The following NXPE2 variants were observed in gnomAD, a reference collection of about 807,000 sequenced individuals.
The protein encoded by NXPE2 is neurexophilin and PC-esterase domain family member 2, also known as NXPE family member 2.
In NXPE2, 34 loss-of-function variants were observed where a neutral mutation model predicts 34.4. The ratio of observed to expected loss-of-function variants is 0.99; its 90% CI spans 0.75 to 1.31. The LOEUF (loss-of-function observed/expected upper bound fraction) is 1.31, where lower values mean the gene tolerates loss of function less well. Among genes scored for constraint, NXPE2 ranks in the 40% most tolerant of loss-of-function variants. The probability of loss-of-function intolerance (pLI) is 0.00; values close to 1 mark genes in which losing one functional copy is unlikely to be tolerated. For missense variants in NXPE2, 649 were observed against 672.5 expected, an observed-to-expected ratio of 0.97 and a Z score of 0.39; for synonymous variants, 235 against 231.3, an observed-to-expected ratio of 1.02 and a Z score of -0.15.
At chr11:114,625,916 A>T in the NXPE2 span, among the ~76,000 whole-genome samples, 1 of 152,128 alleles carries the variant, frequency 6.6e-6, no homozygotes, top group Admixed American at 6.5e-5. Flanking sequence ...GGGGTGACAG[A>T]CGGCACCTGG....
chr11:114,631,407 G>C, the NXPE2 span, among the ~76,000 whole-genome samples: 1 of 151,142 alleles, frequency 6.6e-6, no homozygotes, highest in Non-Finnish European at 1.5e-5. Context: ...ATCATTCTCA[G>C]TAAACTATCG....
chr11:114,583,787 C>A, the NXPE2 span: 2 of 447,314 alleles, frequency 4.5e-6, no homozygotes, highest in East Asian at 5.4e-5. Flanking sequence ...TGATATTCAC[C>A]ATGATGATGG....
the NXPE2 span, among the ~76,000 whole-genome samples, chr11:114,535,870 C>T: frequency 6.6e-6 from 1 of 152,114 alleles, no homozygotes; most frequent in Non-Finnish European, 1.5e-5. Flanking sequence ...TTAGACAGAT[C>T]AACGAGACAG....
chr11:114,627,372 C>G, the NXPE2 span, among the ~76,000 whole-genome samples: 2,417 of 152,002 alleles, frequency 0.016, 27 homozygotes, highest in Non-Finnish European at 0.022. Flanking sequence ...ATTCAACATT[C>G]TTAAAGAGAA....
the NXPE2 span, among the ~76,000 whole-genome samples, chr11:114,738,265 A>G: frequency 6.6e-6 from 1 of 152,204 alleles, no homozygotes; most frequent in Non-Finnish European, 1.5e-5. Context: ...CTTATTACAA[A>G]TGAAAACTGA....
chr11:114,743,386 T>C, the NXPE2 span, among the ~76,000 whole-genome samples: 708 of 152,262 alleles, frequency 4.6e-3, 3 homozygotes, highest in African/African-American at 0.015. Flanking sequence ...ATTATGATAG[T>C]ACTTATTAAT....
the NXPE2 span, among the ~76,000 whole-genome samples, chr11:114,799,714 G>C: frequency 2.0e-5 from 3 of 152,316 alleles, no homozygotes; most frequent in South Asian, 6.2e-4. Context: ...GAAGTGTGAG[G>C]CAAGCCTCAG....
the NXPE2 span, among the ~76,000 whole-genome samples, chr11:114,792,392 C>A: frequency 1.3e-5 from 2 of 152,162 alleles, no homozygotes; most frequent in Non-Finnish European, 1.5e-5. Flanking sequence ...TGGACTCTGA[C>A]CCCCCATCTA....
chr11:114,798,660 G>C, the NXPE2 span, among the ~76,000 whole-genome samples: 1 of 152,226 alleles, frequency 6.6e-6, no homozygotes, highest in East Asian at 1.9e-4. Flanking sequence ...GGGATTACAG[G>C]CGTGAGCCAC....
At chr11:114,500,642 C>T in the NXPE2 span, among the ~76,000 whole-genome samples, 1 of 152,012 alleles carries the variant, frequency 6.6e-6, no homozygotes, top group Non-Finnish European at 1.5e-5. Context: ...ACTTTTTCTT[C>T]TATGGTTATT....
the NXPE2 span, among the ~76,000 whole-genome samples, chr11:114,746,458 C>A: frequency 6.6e-6 from 1 of 152,066 alleles, no homozygotes; most frequent in Non-Finnish European, 1.5e-5. Flanking sequence ...GTTACAAAAC[C>A]AGAGGTGCGT....
At chr11:114,657,362 CACT>C in the NXPE2 span, among the ~76,000 whole-genome samples, 1 of 152,088 alleles carries the variant, frequency 6.6e-6, no homozygotes, top group South Asian at 2.1e-4. Flanking sequence ...CTTTATTTTT[CACT>C]AACATCTAAC....
chr11:114,653,899 C>T, the NXPE2 span, among the ~76,000 whole-genome samples: 1 of 152,052 alleles, frequency 6.6e-6, no homozygotes, highest in Non-Finnish European at 1.5e-5. Context: ...GAGCAGCAAT[C>T]TACATTTGTA....
chr11:114,632,289 T>TATTATC, the NXPE2 span, among the ~76,000 whole-genome samples: 2 of 138,338 alleles, frequency 1.4e-5, no homozygotes, highest in African/African-American at 5.2e-5. Context: ...TATATATGTA[T>TATTATC]ATTATCCACC....
chr11:114,531,688 G>A, the NXPE2 span, among the ~76,000 whole-genome samples: 2 of 152,022 alleles, frequency 1.3e-5, no homozygotes, highest in Admixed American at 6.6e-5. Context: ...ATTTTTAGGA[G>A]CTGACCTTCC....
the NXPE2 span, among the ~76,000 whole-genome samples, chr11:114,667,219 T>C: frequency 1.3e-5 from 2 of 152,156 alleles, no homozygotes; most frequent in Admixed American, 1.3e-4. Context: ...TGAAGGTATC[T>C]TTCTGAACTT....
chr11:114,525,771 T>C, the NXPE2 span, among the ~76,000 whole-genome samples: 1 of 152,176 alleles, frequency 6.6e-6, no homozygotes, highest in Non-Finnish European at 1.5e-5. Context: ...CACCATTTAG[T>C]GAAGTGTATA....
the NXPE2 span, among the ~76,000 whole-genome samples, chr11:114,594,939 G>A: frequency 6.6e-6 from 1 of 151,974 alleles, no homozygotes; most frequent in Non-Finnish European, 1.5e-5. Flanking sequence ...GTATCTCCCA[G>A]GTGCTCTCTT....
the NXPE2 span, among the ~76,000 whole-genome samples, chr11:114,496,161 A>G: frequency 4.6e-5 from 7 of 152,252 alleles, no homozygotes; most frequent in African/African-American, 1.7e-4. Context: ...TTTTTAGCCC[A>G]TGGTGGTGGG....
Sources: gnomAD v4.1 joint callset for allele counts (sites outside exome capture counted in the v4.1 genomes callset) on GRCh38, gnomAD v4.1.1 for gene constraint, MANE v1.5 for transcripts, NCBI Gene and HGNC (gene_info 2026-07-23, HGNC 2026-07-21) for gene names.